The following LDB2 variants were observed in gnomAD, a reference collection of about 807,000 sequenced individuals.
LDB2 encodes LIM domain binding 2.
In LDB2, 12 loss-of-function variants were observed where a neutral mutation model predicts 44.3. That is an observed-to-expected ratio of 0.27 (90% confidence interval 0.17 to 0.44). LDB2 has a LOEUF of 0.44. Ranked by LOEUF, LDB2 falls within the 20% of genes least tolerant of loss-of-function variation. The probability of loss-of-function intolerance (pLI) is 1.00; values close to 1 mark genes in which losing one functional copy is unlikely to be tolerated. For missense variants in LDB2, 344 were observed against 473.5 expected, an observed-to-expected ratio of 0.73 and a Z score of 2.54; for synonymous variants, 164 against 174.8, an observed-to-expected ratio of 0.94 and a Z score of 0.49.
At chr4:16,535,642 A>G (rs11733953) in intron 5 of LDB2, among the ~76,000 whole-genome samples, 43,688 of 152,046 alleles carry the variant, frequency 0.29, 6,711 homozygotes, top group African/African-American at 0.4. Flanking sequence ...AGAAAAACAT[A>G]TCAGAACTGG....
At chr4:16,893,769 C>G (rs945044959) in intron 1 of LDB2, among the ~76,000 whole-genome samples, 1 of 151,562 alleles carries the variant, frequency 6.6e-6, no homozygotes, top group Non-Finnish European at 1.5e-5. Context: ...GGAACTCACA[C>G]TTTTCTGGTG....
At chr4:16,637,432 T>C (rs1004218060) in intron 2 of LDB2, among the ~76,000 whole-genome samples, 4 of 148,202 alleles carry the variant, frequency 2.7e-5, no homozygotes, top group Admixed American at 6.9e-5. Context: ...TGTGGCCACA[T>C]AGTAAAGTCA....
intron 5 of LDB2, among the ~76,000 whole-genome samples, chr4:16,552,800 G>A (rs1738136913): frequency 6.6e-6 from 1 of 152,194 alleles, no homozygotes; most frequent in South Asian, 2.1e-4. Flanking sequence ...TGACTTGGAT[G>A]ACTGAAAACA....
At chr4:16,544,941 TAAG>T (rs539207402) in intron 5 of LDB2, among the ~76,000 whole-genome samples, 4 of 151,928 alleles carry the variant, frequency 2.6e-5, no homozygotes, top group Non-Finnish European at 5.9e-5. Flanking sequence ...TGAAAAGAGA[TAAG>T]AAGAAATGTG....
chr4:16,764,171 A>C (rs1768645057), intron 1 of LDB2, among the ~76,000 whole-genome samples: 1 of 152,190 alleles, frequency 6.6e-6, no homozygotes, highest in Non-Finnish European at 1.5e-5. Flanking sequence ...GAAGACCAAA[A>C]ATGCTTTACA....
At chr4:16,872,083 T>C (rs1411019243) in intron 1 of LDB2, among the ~76,000 whole-genome samples, 1 of 152,092 alleles carries the variant, frequency 6.6e-6, no homozygotes, top group Non-Finnish European at 1.5e-5. Context: ...AACTGTAAAC[T>C]ATATATCTTT....
intron 5 of LDB2, among the ~76,000 whole-genome samples, chr4:16,570,743 T>G (rs997847464): frequency 6.6e-6 from 1 of 151,778 alleles, no homozygotes; most frequent in African/African-American, 2.4e-5. Context: ...TAAAAAAAAT[T>G]TGGTTAGAGT....
At chr4:16,809,916 T>A (rs1029103696) in intron 1 of LDB2, among the ~76,000 whole-genome samples, 1 of 152,162 alleles carries the variant, frequency 6.6e-6, no homozygotes, top group African/African-American at 2.4e-5. Flanking sequence ...CGGCGGTAAA[T>A]AACTAACAAG....
intron 1 of LDB2, among the ~76,000 whole-genome samples, chr4:16,843,837 C>T (rs987799262): frequency 5.9e-5 from 9 of 152,054 alleles, no homozygotes; most frequent in Non-Finnish European, 8.8e-5. Context: ...TGGCCAGCCT[C>T]GAACTCCTGA....
intron 2 of LDB2, among the ~76,000 whole-genome samples, chr4:16,656,129 G>C (rs566885854): frequency 6.6e-6 from 1 of 151,868 alleles, no homozygotes; most frequent in African/African-American, 2.4e-5. Flanking sequence ...CCCGATCTCC[G>C]GACCTCGTGA....
At chr4:16,626,891 A>G (rs957091780) in intron 2 of LDB2, 1 of 152,182 alleles carries the variant, frequency 6.6e-6, no homozygotes, top group African/African-American at 2.4e-5. Context: ...CCTGGATGGA[A>G]ACGCTGCAGA....
chr4:16,697,303 A>ACACACACACACACACACACACACAC (rs1560915542), intron 2 of LDB2, among the ~76,000 whole-genome samples: 1 of 148,224 alleles, frequency 6.7e-6, no homozygotes, highest in Non-Finnish European at 1.5e-5. Flanking sequence ...ACACACACAC[A>ACACACACACACACACACACACACAC]AATTAGCCAG....
intron 2 of LDB2, among the ~76,000 whole-genome samples, chr4:16,719,631 A>C (rs960050703): frequency 4.6e-5 from 7 of 152,070 alleles, no homozygotes; most frequent in Non-Finnish European, 1.0e-4. Context: ...TATGTCCCCG[A>C]AAGTTCATGT....
At chr4:16,599,101 T>C (rs1040765257) in intron 2 of LDB2, among the ~76,000 whole-genome samples, 12 of 152,090 alleles carry the variant, frequency 7.9e-5, no homozygotes, top group African/African-American at 2.9e-4. Context: ...TGTCAGAGAT[T>C]GTATTAGTTT....
intron 5 of LDB2, among the ~76,000 whole-genome samples, chr4:16,554,050 AT>A (rs369728278): frequency 0.059 from 8,310 of 140,512 alleles, 406 homozygotes; most frequent in East Asian, 0.28. Flanking sequence ...AATGGCCTGA[AT>A]TTTTTTTTTT....
intron 2 of LDB2, among the ~76,000 whole-genome samples, chr4:16,653,088 A>T (rs537153435): frequency 1.3e-5 from 2 of 152,280 alleles, no homozygotes; most frequent in African/African-American, 4.8e-5. Flanking sequence ...CTTGAAGTTA[A>T]CTGTTGTGAG....
intron 2 of LDB2, among the ~76,000 whole-genome samples, chr4:16,758,491 T>A (rs1218079640): frequency 2.0e-5 from 3 of 152,176 alleles, no homozygotes; most frequent in Non-Finnish European, 4.4e-5. Context: ...TGCCTCCTGG[T>A]CTGATAGCAC....
chr4:16,578,348 A>C (rs1201926105), intron 5 of LDB2, among the ~76,000 whole-genome samples: 3 of 152,210 alleles, frequency 2.0e-5, no homozygotes, highest in African/African-American at 7.2e-5. Context: ...AAGATCAAAA[A>C]ACTCTACAGG....
At chr4:16,518,153 A>G (rs1460785262) in intron 5 of LDB2, among the ~76,000 whole-genome samples, 1 of 152,176 alleles carries the variant, frequency 6.6e-6, no homozygotes, top group African/African-American at 2.4e-5. Context: ...CAGAGGACCT[A>G]ACAAATGTAG....
Sources: allele counts gnomAD v4.1 joint callset (sites outside exome capture counted in the v4.1 genomes callset), GRCh38; gene constraint gnomAD v4.1.1; transcripts MANE v1.5; gene names NCBI Gene and HGNC (gene_info 2026-07-23, HGNC 2026-07-21).